Variants in HTN1 observed in about 807,000 individuals in gnomAD.
The protein encoded by HTN1 is histatin 1.
In HTN1, 18 loss-of-function variants were observed where a neutral mutation model predicts 11.2. The ratio of observed to expected loss-of-function variants is 1.61; its 90% CI spans 1.12 to 2.39. The LOEUF is 2.39. Among genes scored for constraint, HTN1 ranks in the 30% most tolerant of loss-of-function variants. The pLI is 0.00. For missense variants in HTN1, 80 were observed against 67.2 expected (o/e 1.19, Z -0.67); for synonymous variants, 21 against 20.5 (o/e 1.02, Z -0.07).
intron 4 of HTN1, 56 bp downstream of exon 4, chr4:70,054,506 A>T: frequency 9.1e-7 from 1 of 1,094,176 alleles, no homozygotes; most frequent in African/African-American, 1.6e-5. Flanking sequence ...CTGACTATTT[A>T]TTCTCCTAGA....
chr4:70,056,791 T>C (rs1726054260), intron 5 of HTN1: 3 of 152,034 alleles, frequency 2.0e-5, no homozygotes, highest in Admixed American at 1.3e-4. Flanking sequence ...AAAAAGCTTA[T>C]CATCACTGAT....
intron 2 of HTN1, 127 bp downstream of exon 2, chr4:70,053,254 C>A: frequency 1.7e-6 from 1 of 572,400 alleles, no homozygotes; most frequent in South Asian, 2.7e-5. Context: ...TAATATTTCC[C>A]TACAAGGAGT....
In HTN1 at chr4:70,053,757, C is replaced by G. The variant is rs746806588; in HGVS notation, c.52-565C>G. Among the ~76,000 whole-genome samples, 333 of 152,226 alleles carry G rather than the reference C, an allele frequency of 2.2e-3. 1 individual carries two copies. The highest frequency in any genetic ancestry group is 3.1e-3 in the Non-Finnish European group (210 of 67,988). ...GCCTCTTCCTCCTCCTCCTCCTCCT[C>G]CTCTTTCTATGAACTTAATAGAAAA... On this transcript the variant is annotated intron_variant, in intron 2 of 5. Transcript: ENST00000246896.
In HTN1 at chr4:70,051,886, A is replaced by G. The variant is rs561612045; in HGVS notation, c.-13-1178A>G. Reference sequence around the variant, plus strand: ...TTAGAAAAAAATTTTTAAATTACCTATTAATGAATTACTTTATAACTGCAA... The same window carrying G: ...TTAGAAAAAAATTTTTAAATTACCTGTTAATGAATTACTTTATAACTGCAA... On this transcript the variant is annotated intron_variant, in intron 1 of 5. Coordinates refer to ENST00000246896, the MANE Select transcript of HTN1 (RefSeq NM_002159.4). Among the ~76,000 whole-genome samples, 6 of 152,230 alleles carry G rather than the reference A, an allele frequency of 3.9e-5. No individual in the cohort carries two copies. In the East Asian group the frequency reaches 9.6e-4, roughly 24 times the overall value.
At chr4:70,051,539 G>A (rs891355468) in intron 1 of HTN1, among the ~76,000 whole-genome samples, 1 of 151,726 alleles carries the variant, frequency 6.6e-6, no homozygotes, top group African/African-American at 2.4e-5. Context: ...TTTTTATTTT[G>A]TACTTGCAAC....
At position 70,055,605 on chromosome 4, in the gene HTN1, A is replaced by T; in HGVS notation, c.*33+3A>T. ...AATCATGGGGCATGATTATAGAGGT[A>T]AGCTGACTCTAGTTGCTTGTCTTTC... On this transcript the variant is annotated splice_donor_region_variant and intron_variant, in intron 5 of 5. Coordinates refer to ENST00000246896, the MANE Select transcript of HTN1 (RefSeq NM_002159.4). The T allele has an allele frequency of 7.7e-7, 1 of 1,304,130 alleles. No homozygotes were observed. The highest frequency in any genetic ancestry group is 1.1e-6 in the Non-Finnish European group (1 of 902,326). The allele number at this position is 1,304,130 out of a possible 1,614,324, so 80.8% of individuals were successfully genotyped here. A position where few individuals can be genotyped will look rare whatever the true frequency, so the allele number is the denominator to read the frequency against.
intron 4 of HTN1, 82 bp downstream of exon 4, chr4:70,054,532 C>T (rs1315207668): frequency 2.2e-6 from 2 of 896,538 alleles, no homozygotes; most frequent in East Asian, 5.1e-5. Flanking sequence ...CAATAGTTGT[C>T]TCTCAAATAT....
chr4:70,050,605 T>C (rs1440970641), intron 1 of HTN1, 110 bp downstream of exon 1: 1 of 152,194 alleles, frequency 6.6e-6, no homozygotes, highest in Admixed American at 6.6e-5. Flanking sequence ...AAATCTAGTT[T>C]ACTTGAATTG....
At chr4:70,055,353 T>A in intron 4 of HTN1, 145 bp from the exon 5 acceptor site, 1 of 643,992 alleles carries the variant, frequency 1.6e-6, no homozygotes, top group Non-Finnish European at 2.7e-6. Flanking sequence ...AAGAAAAATG[T>A]AAAAGTTTGA....
chr4:70,058,118 A>C (rs948583801), intron 5 of HTN1: 1 of 152,168 alleles, frequency 6.6e-6, no homozygotes, highest in African/African-American at 2.4e-5. Context: ...TCAAAGCTGA[A>C]ATAGTTCAAA....
At chr4:70,052,818 A>T in intron 1 of HTN1, 1 of 324,522 alleles carries the variant, frequency 3.1e-6, no homozygotes, top group Non-Finnish European at 5.7e-6. Context: ...GAAAGAAAAA[A>T]TTCGCTGGGC....
In HTN1 at chr4:70,051,209, T is replaced by A. The variant is rs186886200; in HGVS notation, c.-14+714T>A. On this transcript the variant is annotated intron_variant, in intron 1 of 5. Transcript: ENST00000246896. ...GTAAATATATTATTATAAAGGTTTA[T>A]TTTTAAAAATTTACTTTCTTCTTAA... is the stretch of plus-strand genomic sequence containing the variant. 9.6e-4 allele frequency among the ~76,000 whole-genome samples: 146 copies of A among 152,280 alleles called. 2 individuals carry two copies. Among genetic ancestry groups the A allele is most frequent in the East Asian group, 3.7e-3 (19 of 5,190 alleles).
chr4:70,052,161 G>A (rs1415085408), intron 1 of HTN1, among the ~76,000 whole-genome samples: 1 of 152,046 alleles, frequency 6.6e-6, no homozygotes, highest in Non-Finnish European at 1.5e-5. Flanking sequence ...TCTCAAAGTA[G>A]ATACAATCAT....
Position 70,055,680 on chromosome 4 carries a change from C to A in HTN1, c.*33+78C>A, listed in dbSNP as rs549359904. 8.0e-4 allele frequency: 545 copies of A among 677,394 alleles called. 7 individuals carry two copies. The South Asian group carries it at 9.3e-3, about 12-fold the overall frequency. The allele number at this position is 677,394 out of a possible 1,614,324, so 42.0% of individuals were successfully genotyped here. A position where few individuals can be genotyped will look rare whatever the true frequency, so the allele number is the denominator to read the frequency against. On this transcript the variant is annotated intron_variant, in intron 5 of 5. Transcript: ENST00000246896. ...AAAAAAAAAGCCATAAGCTAACAACCATTCCAGTTTAAGAAATGTAGCATG... is the reference window on the plus strand; with the variant it reads ...AAAAAAAAAGCCATAAGCTAACAACAATTCCAGTTTAAGAAATGTAGCATG...
rs1208709518 is a variant in HTN1 at position 70,054,360 on chromosome 4, A to C, written c.72+18A>C. On this transcript the variant is annotated intron_variant, in intron 3 of 5. Transcript: ENST00000246896. ...ATGAAAAGGTAAGACATTTTCATTT[A>C]CGGGAAAACTTGATAAATAAACATA... 2.6e-6 allele frequency: 4 copies of C among 1,545,414 alleles called. No homozygotes were observed. Among genetic ancestry groups the C allele is most frequent in the Non-Finnish European group, 3.5e-6 (4 of 1,135,392 alleles).
intron 1 of HTN1, among the ~76,000 whole-genome samples, chr4:70,050,920 T>C (rs1479938436): frequency 6.6e-6 from 1 of 152,196 alleles, no homozygotes; most frequent in African/African-American, 2.4e-5. Flanking sequence ...GCCCTGATGC[T>C]GTAATGTGTA....
At chr4:70,057,215 A>C (rs1247056830) in intron 5 of HTN1, 1 of 152,206 alleles carries the variant, frequency 6.6e-6, no homozygotes, top group Non-Finnish European at 1.5e-5. Flanking sequence ...CATACAAAGG[A>C]ATGAGATCCT....
intron 4 of HTN1, among the ~76,000 whole-genome samples, chr4:70,055,007 G>T (rs1464931249): frequency 1.3e-5 from 2 of 151,904 alleles, no homozygotes; most frequent in Non-Finnish European, 2.9e-5. Context: ...TGTTAAAAAA[G>T]CACCAAGTAA....
chr4:70,053,371 T>C lies in HTN1; in HGVS notation c.51+244T>C, dbSNP rs376795155. On this transcript the variant is annotated intron_variant, in intron 2 of 5. Transcript: ENST00000246896. ...ACTTGAATGTAAAAGTAAAAGAAAATTTAGCGAGCTTTTTAAATATGTGGG... is the reference window on the plus strand; with the variant it reads ...ACTTGAATGTAAAAGTAAAAGAAAACTTAGCGAGCTTTTTAAATATGTGGG... Among the ~76,000 whole-genome samples, 119 of 152,112 alleles carry C rather than the reference T, an allele frequency of 7.8e-4. 1 individual carries two copies. Among genetic ancestry groups the C allele is most frequent in the African/African-American group, 2.8e-3 (116 of 41,514 alleles).
Sources: allele counts gnomAD v4.1 joint callset (sites outside exome capture counted in the v4.1 genomes callset), GRCh38; gene constraint gnomAD v4.1.1; transcripts MANE v1.5; gene names NCBI Gene and HGNC (gene_info 2026-07-23, HGNC 2026-07-21).